Variants in NDE1 observed in about 807,000 individuals in gnomAD.
NDE1 encodes the protein nuclear distribution protein nudE homolog 1.
A neutral mutation model predicts 43.4 loss-of-function variants in NDE1; 28 were observed. The observed-to-expected ratio is 0.65, with a 90% confidence interval of 0.48 to 0.89. The LOEUF is 0.89. NDE1 is among the 40% of genes least tolerant of loss of function. NDE1 has a pLI of 0.00. For synonymous variants in NDE1, 184 were observed against 172.0 expected, an observed-to-expected ratio of 1.07 and a Z score of -0.55; for missense variants, 441 against 434.1, an observed-to-expected ratio of 1.02 and a Z score of -0.14.
At chr16:15,654,620 A>AC (rs2036669841) in intron 1 of NDE1, among the ~76,000 whole-genome samples, 1 of 149,904 alleles carries the variant, frequency 6.7e-6, no homozygotes, top group African/African-American at 2.5e-5. Flanking sequence ...AAAAAAACAA[A>AC]AAAAAAAAAA....
At chr16:15,661,719 C>T (rs897940046) in intron 1 of NDE1, among the ~76,000 whole-genome samples, 3 of 151,762 alleles carry the variant, frequency 2.0e-5, no homozygotes, top group African/African-American at 7.3e-5. Context: ...GCTGGGATTA[C>T]AGGTGCGAGG....
intron 7 of NDE1, among the ~76,000 whole-genome samples, chr16:15,696,388 A>AC (rs1343598352): frequency 6.7e-6 from 1 of 148,994 alleles, no homozygotes; most frequent in African/African-American, 2.5e-5. Context: ...AAACAAAACA[A>AC]AAAAAAAAAC....
At chr16:15,643,921 TC>T (rs950302550) in exon 1 of NDE1, 1 of 152,578 alleles carries the variant, frequency 6.6e-6, no homozygotes, top group African/African-American at 2.4e-5. Flanking sequence ...AGAAAGGAAA[TC>T]TTACGGTTAG....
chr16:15,666,596 A>G (rs139085905), intron 2 of NDE1, among the ~76,000 whole-genome samples: 1 of 152,250 alleles, frequency 6.6e-6, no homozygotes, highest in Non-Finnish European at 1.5e-5. Context: ...GTGACAGAGC[A>G]AGACTCTATC....
chr16:15,650,656 C>T (rs184062635), intron 1 of NDE1, among the ~76,000 whole-genome samples: 32 of 152,322 alleles, frequency 2.1e-4, no homozygotes, highest in Admixed American at 1.1e-3. Flanking sequence ...GTGGTTAAGC[C>T]TTGCCGGTCC....
rs904588873 is a variant in NDE1, at chr16:15,697,168, G to A, written c.947+308G>A. ...AACGATCCTCCCACCTCAGTCCCCCGAGTAGCTGGGAGTACAGGTGCGTGT... is the reference window on the plus strand; with the variant it reads ...AACGATCCTCCCACCTCAGTCCCCCAAGTAGCTGGGAGTACAGGTGCGTGT... On this transcript the variant is annotated intron_variant, in intron 8 of 8. Transcript: ENST00000396354. The A allele has an allele frequency of 4.9e-5, 28 of 570,316 alleles. No homozygotes were observed. In the African/African-American group the frequency reaches 5.1e-4, roughly 10 times the overall value. 35.3% of individuals were successfully genotyped at this position (570,316 alleles called of 1,614,324 possible).
At chr16:15,679,499 C>T (rs1300597622) in intron 4 of NDE1, among the ~76,000 whole-genome samples, 1 of 152,180 alleles carries the variant, frequency 6.6e-6, no homozygotes, top group Non-Finnish European at 1.5e-5. Flanking sequence ...CCTCTTCTCT[C>T]TCCAATCTGC....
At chr16:15,686,254 G>A (rs2038433593) in intron 4 of NDE1, 2 of 571,056 alleles carry the variant, frequency 3.5e-6, no homozygotes, top group Non-Finnish European at 2.2e-6. Flanking sequence ...GTCCGGGCCT[G>A]TATGACTTCT....
At chr16:15,689,804 G>C (rs1227110437) in intron 5 of NDE1, among the ~76,000 whole-genome samples, 1 of 151,950 alleles carries the variant, frequency 6.6e-6, no homozygotes, top group Non-Finnish European at 1.5e-5. Flanking sequence ...GCCAGGTGTG[G>C]TGGTGCGTGC....
At chr16:15,644,364 T>G (rs1159331864) in intron 1 of NDE1, among the ~76,000 whole-genome samples, 4 of 152,176 alleles carry the variant, frequency 2.6e-5, no homozygotes, top group African/African-American at 9.7e-5. Flanking sequence ...AGACGGGTAT[T>G]GTGGAGGGCA....
rs2040220299 is a variant in NDE1 at position 15,717,414 on chromosome 16, G to T, written c.948-6777G>T. On this transcript the variant is annotated intron_variant, in intron 8 of 8. Transcript: ENST00000396354. ...GCCCAAGAGAGCGCACTGAGACCAT[G>T]CCTCTTCCTGCCTTGTTTGGCCTCT... The T allele has an allele frequency of 3.1e-5, 47 of 1,532,406 alleles. 1 individual carries two copies. The South Asian group carries it at 4.9e-4, about 16-fold the overall frequency. The allele number at this position is 1,532,406 out of a possible 1,614,324, so 94.9% of individuals were successfully genotyped here. A position where few individuals can be genotyped will look rare whatever the true frequency, so the allele number is the denominator to read the frequency against.
intron 7 of NDE1, 86 bp downstream of exon 7, chr16:15,694,342 C>CTTCTTTTT: frequency 6.4e-7 from 1 of 1,560,192 alleles, no homozygotes; most frequent in Non-Finnish European, 8.7e-7. Flanking sequence ...CCTTCCCTCT[C>CTTCTTTTT]TTCTTTTTTT....
chr16:15,706,145 A>G (rs896282823), intron 8 of NDE1, among the ~76,000 whole-genome samples: 2 of 152,178 alleles, frequency 1.3e-5, no homozygotes, highest in African/African-American at 4.8e-5. Flanking sequence ...GCGATCAGGA[A>G]TAAATACTTA....
At chr16:15,715,656 G>A (rs1356395892) in intron 8 of NDE1, among the ~76,000 whole-genome samples, 1 of 152,118 alleles carries the variant, frequency 6.6e-6, no homozygotes, top group Non-Finnish European at 1.5e-5. Flanking sequence ...GCAAGGTCTT[G>A]CTGTGTGACC....
intron 8 of NDE1, chr16:15,719,409 C>CCTCTGAG: frequency 5.4e-6 from 8 of 1,486,112 alleles, no homozygotes; most frequent in African/African-American, 1.4e-5. Flanking sequence ...ACATGTTCTT[C>CCTCTGAG]CTCTGAGCTC....
At chr16:15,651,249 G>C (rs1387003733) in intron 1 of NDE1, among the ~76,000 whole-genome samples, 1 of 152,074 alleles carries the variant, frequency 6.6e-6, no homozygotes, top group Non-Finnish European at 1.5e-5. Flanking sequence ...TAAAGAAAAG[G>C]CCTTTGCAGC....
chr16:15,664,983 ACTC>A (rs1301018074), intron 2 of NDE1, 122 bp downstream of exon 2: 17 of 736,336 alleles, frequency 2.3e-5, no homozygotes, highest in Non-Finnish European at 3.9e-5. Context: ...GCCGCCTTAA[ACTC>A]CTGGGCTTAA....
intron 1 of NDE1, among the ~76,000 whole-genome samples, chr16:15,657,078 A>G (rs2036806359): frequency 6.6e-6 from 1 of 151,476 alleles, no homozygotes; most frequent in Non-Finnish European, 1.5e-5. Context: ...ACTGCCCTCA[A>G]TAGTATCACC....
At chr16:15,709,151 A>G (rs976662423) in intron 8 of NDE1, among the ~76,000 whole-genome samples, 1 of 151,198 alleles carries the variant, frequency 6.6e-6, no homozygotes, top group African/African-American at 2.4e-5. Context: ...TATGTTGGTC[A>G]GGCTTGTCTC....
Sources: gnomAD v4.1 joint callset for allele counts (sites outside exome capture counted in the v4.1 genomes callset) on GRCh38, gnomAD v4.1.1 for gene constraint, MANE v1.5 for transcripts, NCBI Gene and HGNC (gene_info 2026-07-23, HGNC 2026-07-21) for gene names.